The following MOK variants were observed in gnomAD, a reference collection of about 807,000 sequenced individuals.
MOK encodes MAPK/MAK/MRK overlapping kinase.
Under a neutral mutation model 54.2 loss-of-function variants are expected in MOK, and 59 were observed. The observed-to-expected ratio is 1.09, with a 90% CI of 0.88 to 1.35. MOK has a LOEUF of 1.35. Ranked by LOEUF, MOK falls within the 40% of genes most tolerant of loss-of-function variation. The pLI is 0.00. For missense variants in MOK, 517 were observed against 526.2 expected, an observed-to-expected ratio of 0.98 and a Z score of 0.17; for synonymous variants, 210 against 202.7, an observed-to-expected ratio of 1.04 and a Z score of -0.31.
chr14:102,215,772 C>T, the MOK span, among the ~76,000 whole-genome samples: 9 of 152,272 alleles, frequency 5.9e-5, no homozygotes, highest in Non-Finnish European at 8.8e-5. Flanking sequence ...CGGTGCAGAG[C>T]GCTTCCTACA....
At chr14:102,239,939 T>C (rs1320557898) in intron 7 of MOK, among the ~76,000 whole-genome samples, 2 of 152,120 alleles carry the variant, frequency 1.3e-5, no homozygotes, top group Non-Finnish European at 2.9e-5. Context: ...GGGAAGGCCC[T>C]TTCCAGGTCA....
In MOK at chr14:102,293,482, T is replaced by A. The variant is rs1332598580; in HGVS notation, c.8-9890A>T. ...GGGAGGCTGAGGCAGGCGGATCACCTGAGGTCAGGAGTTCGAGACCAGCAT... is the reference window on the plus strand; with the variant it reads ...GGGAGGCTGAGGCAGGCGGATCACCAGAGGTCAGGAGTTCGAGACCAGCAT... On this transcript the variant is annotated intron_variant, in intron 1 of 11. Coordinates refer to ENST00000361847, the MANE Select transcript of MOK (RefSeq NM_014226.3). Among the ~76,000 whole-genome samples the A allele has an allele frequency of 7.2e-5, 11 of 151,974 alleles. No homozygotes were observed. The South Asian group carries it at 1.5e-3, about 20-fold the overall frequency.
chr14:102,247,307 C>T (rs564490101), intron 7 of MOK: 5 of 152,294 alleles, frequency 3.3e-5, no homozygotes, highest in South Asian at 4.1e-4. Context: ...GCATACACAA[C>T]CAGTTCTGTC....
chr14:102,239,438 A>AGACCCTTTCCTCTTACAAAACAGGCCCCC (rs1237591823), intron 7 of MOK, among the ~76,000 whole-genome samples: 2 of 151,808 alleles, frequency 1.3e-5, no homozygotes, highest in African/African-American at 2.4e-5. Flanking sequence ...CCTCCTTCTG[A>AGACCCTTTCCTCTTACAAAACAGGCCCCC]TTCTCAATTA....
At chr14:102,229,425 C>A (rs751877163) in intron 11 of MOK, 32 bp downstream of exon 11, 23 of 1,614,106 alleles carry the variant, frequency 1.4e-5, no homozygotes, top group Non-Finnish European at 1.9e-5. Flanking sequence ...GGTCGAAGAG[C>A]AGCGCCGTCA....
rs200117066 is a variant in MOK at position 102,229,414 on chromosome 14, G to A, written c.1182+43C>T. The A allele has an allele frequency of 1.0e-4, 167 of 1,614,090 alleles. 1 individual carries two copies. In the East Asian group the frequency reaches 3.5e-3, roughly 33 times the overall value. ...ACAAAATTCAGTGGCGGCCTGGGCT[G>A]GGTCGAAGAGCAGCGCCGTCAGAGA... On this transcript the variant is annotated intron_variant, in intron 11 of 11. Transcript: ENST00000361847.
rs551040805 is a variant in MOK, at chr14:102,243,882, C to T, written c.590+6930G>A. ...GCAGGCTATGCTATAGTATCTTCCA[C>T]ATCTATCATTGAGGCTACTGCTCTG... On this transcript the variant is annotated intron_variant, in intron 7 of 11. Coordinates refer to ENST00000361847, the MANE Select transcript of MOK (RefSeq NM_014226.3). Among the ~76,000 whole-genome samples the T allele has an allele frequency of 1.1e-4, 16 of 152,346 alleles. No homozygotes were observed. The East Asian group carries it at 2.5e-3, about 24-fold the overall frequency.
At chr14:102,284,698 ATC>A (rs1198152264) in intron 1 of MOK, among the ~76,000 whole-genome samples, 2 of 152,168 alleles carry the variant, frequency 1.3e-5, no homozygotes, top group Admixed American at 1.3e-4. Context: ...GGCTGTTACA[ATC>A]TCTGGGCATT....
At chr14:102,233,287 G>A in intron 8 of MOK, 1 of 180,828 alleles carries the variant, frequency 5.5e-6, no homozygotes, top group South Asian at 1.3e-4. Context: ...GACCCTAAGA[G>A]TCCGGGAACA....
intron 7 of MOK, among the ~76,000 whole-genome samples, chr14:102,247,191 C>A (rs1004321589): frequency 6.6e-6 from 1 of 152,132 alleles, no homozygotes; most frequent in Non-Finnish European, 1.5e-5. Context: ...GAACCCAAAG[C>A]CCCCAGCCTA....
At chr14:102,297,739 G>A (rs1354504415) in intron 1 of MOK, among the ~76,000 whole-genome samples, 1 of 152,216 alleles carries the variant, frequency 6.6e-6, no homozygotes, top group Non-Finnish European at 1.5e-5. Flanking sequence ...GCCAGCATGA[G>A]TTCTGGGTGG....
In MOK at chr14:102,230,346, GTTTTTA is replaced by G. The variant is rs1016922074; in HGVS notation, c.982-695_982-690del. On this transcript the variant is annotated intron_variant, in intron 10 of 11. Transcript: ENST00000361847. This position sits in a 1 kb window ranked among gnomAD's most constrained non-coding sequence, Gnocchi z 4.1. Reference sequence around the variant, plus strand: ...AGGTGTGAGCCACCGCACCCACCTGGTTTTTATTTTTAATGACTGAAAAAAAAATGT... The same window carrying G: ...AGGTGTGAGCCACCGCACCCACCTGGTTTTTAATGACTGAAAAAAAAATGT... The G allele has an allele frequency of 1.1e-4, 17 of 152,076 alleles. No homozygotes were observed. The highest frequency in any genetic ancestry group is 3.9e-4 in the African/African-American group (16 of 41,456). 9.4% of individuals were successfully genotyped at this position (152,076 alleles called of 1,614,324 possible). A position where few individuals can be genotyped will look rare whatever the true frequency, so the allele number is the denominator to read the frequency against.
intron 4 of MOK, among the ~76,000 whole-genome samples, chr14:102,263,138 A>G (rs2067610353): frequency 6.6e-6 from 1 of 152,274 alleles, no homozygotes; most frequent in Non-Finnish European, 1.5e-5. Context: ...CATGCAGGGC[A>G]GTATTTTGGA....
At chr14:102,294,718 T>G (rs1057315997) in intron 1 of MOK, among the ~76,000 whole-genome samples, 1 of 152,200 alleles carries the variant, frequency 6.6e-6, no homozygotes, top group Non-Finnish European at 1.5e-5. Context: ...AGAGGGAATT[T>G]ACACAATCAA....
chr14:102,223,834 G>T (rs189186800), downstream of MOK, among the ~76,000 whole-genome samples: 1 of 152,052 alleles, frequency 6.6e-6, no homozygotes. Context: ...TCAGGAGGGC[G>T]TGGGCTCTGT....
At chr14:102,281,762 G>A (rs192703572) in intron 2 of MOK, among the ~76,000 whole-genome samples, 76 of 152,040 alleles carry the variant, frequency 5.0e-4, no homozygotes, top group Admixed American at 2.5e-3. Flanking sequence ...CTTTAGATAC[G>A]GGATAATCAG....
At chr14:102,217,836 T>C in the MOK span, among the ~76,000 whole-genome samples, 1 of 152,264 alleles carries the variant, frequency 6.6e-6, no homozygotes, top group Non-Finnish European at 1.5e-5. Context: ...GTCATAGTTC[T>C]CATCGTTTCC....
chr14:102,265,962 C>A, intron 2 of MOK, 50 bp from the exon 3 acceptor site: 1 of 1,301,004 alleles, frequency 7.7e-7, no homozygotes, highest in South Asian at 1.3e-5. Flanking sequence ...AGGTCAACTT[C>A]AAAATTAGAG....
rs547956829 is a variant in MOK at position 102,275,253 on chromosome 14, C to T, written c.122+8225G>A. ...ACTGATGCTTGATCCCTACCGCTCA[C>T]CATTCACAAAAATTAATTTAAGATG... is the stretch of plus-strand genomic sequence containing the variant. On this transcript the variant is annotated intron_variant, in intron 2 of 11. Coordinates refer to ENST00000361847, the MANE Select transcript of MOK (RefSeq NM_014226.3). Among the ~76,000 whole-genome samples the T allele has an allele frequency of 3.3e-5, 5 of 152,170 alleles. No individual in the cohort carries two copies. The East Asian group carries it at 9.7e-4, about 30-fold the overall frequency.
Sources: gnomAD v4.1 joint callset for allele counts (sites outside exome capture counted in the v4.1 genomes callset) on GRCh38, gnomAD v4.1.1 for gene constraint, Gnocchi (gnomAD v3.1) non-coding constraint, MANE v1.5 for transcripts, NCBI Gene and HGNC (gene_info 2026-07-23, HGNC 2026-07-21) for gene names.